Variants in THSD4 observed in about 807,000 individuals in gnomAD.
THSD4 encodes thrombospondin type-1 domain-containing protein 4.
A neutral mutation model predicts 119.0 loss-of-function variants in THSD4; 69 were observed. The observed-to-expected ratio is 0.58, with a 90% CI of 0.48 to 0.71. The LOEUF (loss-of-function observed/expected upper bound fraction) is 0.71. Ranked by LOEUF, THSD4 falls within the 30% of genes least tolerant of loss-of-function variation. THSD4 has a pLI of 0.00. For missense variants in THSD4, 1,393 were observed against 1,391.1 expected (o/e 1.00, Z -0.02); for synonymous variants, 524 against 540.4 (o/e 0.97, Z 0.42).
chr15:71,548,785 G>A (rs1464643631), intron 7 of THSD4, among the ~76,000 whole-genome samples: 2 of 152,142 alleles, frequency 1.3e-5, no homozygotes, highest in Non-Finnish European at 2.9e-5. Flanking sequence ...AATGACAAAT[G>A]GGCTGGCCTC....
chr15:71,440,897 G>A (rs1595769504), intron 7 of THSD4, among the ~76,000 whole-genome samples: 1 of 152,194 alleles, frequency 6.6e-6, no homozygotes, highest in African/African-American at 2.4e-5. Flanking sequence ...GAGCAATTAT[G>A]TATGGACATG....
intron 3 of THSD4, among the ~76,000 whole-genome samples, chr15:71,174,356 G>T (rs35956454): frequency 2.7e-5 from 4 of 150,468 alleles, no homozygotes; most frequent in African/African-American, 5.0e-5. Flanking sequence ...TTCCCTTTCC[G>T]AGTCAAAGAA....
At chr15:71,341,166 G>C in intron 6 of THSD4, 1 of 1,351,334 alleles carries the variant, frequency 7.4e-7, no homozygotes, top group East Asian at 2.3e-5. Context: ...ATTTACTCCC[G>C]TGCCATAAGT....
chr15:71,253,822 G>A (rs897705926), intron 5 of THSD4, among the ~76,000 whole-genome samples: 13 of 152,158 alleles, frequency 8.5e-5, no homozygotes, highest in African/African-American at 2.7e-4. Context: ...ACCTTCCAGA[G>A]ATAACACTTT....
intron 4 of THSD4, among the ~76,000 whole-genome samples, chr15:71,234,345 G>T (rs956089370): frequency 6.6e-5 from 10 of 151,786 alleles, no homozygotes; most frequent in Admixed American, 1.3e-4. Flanking sequence ...CTCTCCACTC[G>T]CCCAGGCTGG....
At chr15:71,755,228 A>G (rs2053517916) in intron 14 of THSD4, among the ~76,000 whole-genome samples, 1 of 152,202 alleles carries the variant, frequency 6.6e-6, no homozygotes. Flanking sequence ...GATCCCCTTC[A>G]AGCCCTTTGC....
At chr15:71,151,955 C>G (rs2040726562) in intron 2 of THSD4, among the ~76,000 whole-genome samples, 1 of 152,200 alleles carries the variant, frequency 6.6e-6, no homozygotes, top group African/African-American at 2.4e-5. Context: ...CTGCACTGGA[C>G]AGTACCGACA....
intron 7 of THSD4, among the ~76,000 whole-genome samples, chr15:71,581,379 T>C (rs1447634215): frequency 6.6e-6 from 1 of 152,102 alleles, no homozygotes; most frequent in Non-Finnish European, 1.5e-5. Context: ...GTCTATTCTG[T>C]TATTTGATTT....
At chr15:71,544,971 A>C (rs1375582835) in intron 7 of THSD4, among the ~76,000 whole-genome samples, 1 of 152,180 alleles carries the variant, frequency 6.6e-6, no homozygotes, top group Non-Finnish European at 1.5e-5. Context: ...ACTCATGGAG[A>C]CAGACAGTAG....
At chr15:71,398,070 A>C (rs2046475856) in intron 6 of THSD4, among the ~76,000 whole-genome samples, 1 of 152,184 alleles carries the variant, frequency 6.6e-6, no homozygotes, top group Non-Finnish European at 1.5e-5. Context: ...TCCAGCTGTG[A>C]TGGTCCATGT....
chr15:71,531,822 A>C (rs562498912), intron 7 of THSD4, among the ~76,000 whole-genome samples: 1 of 152,188 alleles, frequency 6.6e-6, no homozygotes, highest in South Asian at 2.1e-4. Context: ...CAGCTGCCAA[A>C]TAAGAGAAGC....
chr15:71,347,875 G>A (rs12911203), intron 6 of THSD4, among the ~76,000 whole-genome samples: 1,830 of 152,024 alleles, frequency 0.012, 15 homozygotes, highest in Non-Finnish European at 0.019. Context: ...ATGATCAGCC[G>A]GACCACCCAA....
At chr15:71,216,056 T>C (rs1230664781) in intron 4 of THSD4, among the ~76,000 whole-genome samples, 2 of 152,220 alleles carry the variant, frequency 1.3e-5, no homozygotes, top group Non-Finnish European at 2.9e-5. Context: ...AAAGTAGGCA[T>C]TGCGGTGCTG....
chr15:71,770,838 G>C (rs1267098105), intron 16 of THSD4, among the ~76,000 whole-genome samples: 1 of 152,192 alleles, frequency 6.6e-6, no homozygotes, highest in Admixed American at 6.5e-5. Context: ...CAGATGTCTA[G>C]ATTTGCTTCA....
At chr15:71,547,610 T>G in intron 7 of THSD4, 1 of 1,086,346 alleles carries the variant, frequency 9.2e-7, no homozygotes, top group African/African-American at 1.6e-5. Flanking sequence ...TATATTACTT[T>G]TGTAGGCTTC....
At chr15:71,476,864 T>C (rs992313168) in intron 7 of THSD4, among the ~76,000 whole-genome samples, 1 of 152,188 alleles carries the variant, frequency 6.6e-6, no homozygotes, top group African/African-American at 2.4e-5. Context: ...TTTGGAAAAG[T>C]GAGCCTTCAG....
chr15:71,147,851 T>A (rs968103545), intron 2 of THSD4: 1 of 151,468 alleles, frequency 6.6e-6, no homozygotes, highest in African/African-American at 2.4e-5. Context: ...ACACCTGTGG[T>A]CCCAGCTATT....
Position 71,419,110 on chromosome 15 carries a change from A to G in THSD4, c.1152+7287A>G, listed in dbSNP as rs1016467879. On this transcript the variant is annotated intron_variant, in intron 7 of 17. Coordinates refer to ENST00000261862, the MANE Select transcript of THSD4 (RefSeq NM_024817.3). Reference sequence around the variant, plus strand: ...GTCCATTTTATCTTTTCAAAAACCAACTTATCATTTTATTGACCTTTTGTA... The same window carrying G: ...GTCCATTTTATCTTTTCAAAAACCAGCTTATCATTTTATTGACCTTTTGTA... 2.8e-5 allele frequency among the ~76,000 whole-genome samples: 3 copies of G among 107,722 alleles called. 1 individual carries two copies. Among genetic ancestry groups the G allele is most frequent in the East Asian group, 6.1e-4 (2 of 3,286 alleles). The allele number at this position is 107,722 out of a possible 152,430, so 70.7% of individuals were successfully genotyped here.
chr15:71,312,506 G>A (rs981748636), intron 6 of THSD4, among the ~76,000 whole-genome samples: 1 of 152,070 alleles, frequency 6.6e-6, no homozygotes, highest in African/African-American at 2.4e-5. Flanking sequence ...CGGAGGAAAC[G>A]AGTCCTGCAG....
Sources: gnomAD v4.1 joint callset for allele counts (sites outside exome capture counted in the v4.1 genomes callset) on GRCh38, gnomAD v4.1.1 for gene constraint, MANE v1.5 for transcripts, NCBI Gene and HGNC (gene_info 2026-07-23, HGNC 2026-07-21) for gene names.